The following CMSS1 variants were observed in gnomAD, a reference collection of about 807,000 sequenced individuals.
The protein encoded by CMSS1 is cms1 ribosomal small subunit homolog.
CMSS1 carries 33 observed loss-of-function variants against 43.5 expected under a neutral mutation model. That is an observed-to-expected ratio of 0.76 (90% CI 0.57 to 1.01). The LOEUF (loss-of-function observed/expected upper bound fraction) is 1.01. Among genes scored for constraint, CMSS1 ranks in the 50% least tolerant of loss-of-function variants. CMSS1 has a pLI of 0.00. For synonymous variants in CMSS1, 115 were observed against 117.2 expected (o/e 0.98, Z 0.12); for missense variants, 313 against 326.4 (o/e 0.96, Z 0.32).
chr3:99,974,194 G>A (rs963578544), intron 1 of CMSS1, among the ~76,000 whole-genome samples: 1 of 152,182 alleles, frequency 6.6e-6, no homozygotes, highest in Admixed American at 6.5e-5. Context: ...AACATGGAGA[G>A]GACAATTTAT....
intron 1 of CMSS1, among the ~76,000 whole-genome samples, chr3:99,999,809 C>T (rs1474238426): frequency 2.0e-5 from 3 of 152,194 alleles, no homozygotes; most frequent in African/African-American, 7.2e-5. Flanking sequence ...CCAAACAGTG[C>T]ATCCAGTTAA....
chr3:100,127,954 A>T (rs139946020), intron 1 of CMSS1, among the ~76,000 whole-genome samples: 27 of 152,322 alleles, frequency 1.8e-4, no homozygotes, highest in African/African-American at 6.0e-4. Flanking sequence ...CAGACACCCC[A>T]GCATGACAGG....
At chr3:100,125,741 A>G (rs1405083031) in intron 1 of CMSS1, among the ~76,000 whole-genome samples, 1 of 152,200 alleles carries the variant, frequency 6.6e-6, no homozygotes, top group African/African-American at 2.4e-5. Context: ...CCTGACTTGG[A>G]CATATTTTCT....
intron 1 of CMSS1, among the ~76,000 whole-genome samples, chr3:100,071,051 A>G (rs1033816791): frequency 3.3e-5 from 5 of 150,770 alleles, no homozygotes; most frequent in Non-Finnish European, 7.4e-5. Context: ...TTTTTTTAAA[A>G]GAAAGGGGTT....
intron 1 of CMSS1, among the ~76,000 whole-genome samples, chr3:100,063,451 A>T (rs2065608737): frequency 6.6e-6 from 1 of 152,078 alleles, no homozygotes; most frequent in African/African-American, 2.4e-5. Flanking sequence ...TTTTACTGTA[A>T]CTCAGAATGA....
intron 1 of CMSS1, among the ~76,000 whole-genome samples, chr3:99,935,844 T>A (rs1335401322): frequency 2.6e-5 from 4 of 152,216 alleles, no homozygotes; most frequent in Non-Finnish European, 4.4e-5. Context: ...TCATGGTGTA[T>A]CTTGGTAAGG....
intron 1 of CMSS1, among the ~76,000 whole-genome samples, chr3:100,090,528 C>G (rs9824430): frequency 0.85 from 129,818 of 152,120 alleles, 55,541 homozygotes; most frequent in African/African-American, 0.91. Flanking sequence ...CTTGCCCAGG[C>G]CCTCCCAGTG....
At position 99,848,881 on chromosome 3, in the gene CMSS1, C is replaced by T. The variant is rs372565324; in HGVS notation, c.64+30838C>T. On this transcript the variant is annotated intron_variant, in intron 1 of 9. Coordinates refer to ENST00000421999, the MANE Select transcript of CMSS1 (RefSeq NM_032359.4). ...GCCACAGTTCGGTATCACTGCAGTA[C>T]TCGTGTAAGAGTGAGGACTCTCTGT... 3.2e-5 allele frequency: 52 copies of T among 1,613,930 alleles called. 1 individual carries two copies. The highest frequency in any genetic ancestry group is 1.3e-4 in the Admixed American group (8 of 59,990).
chr3:100,124,697 G>A (rs1051173605), intron 1 of CMSS1, among the ~76,000 whole-genome samples: 7 of 152,134 alleles, frequency 4.6e-5, no homozygotes. Context: ...AATGGCAAAA[G>A]GCCACCTGGG....
At chr3:99,830,462 C>G (rs1414253601) in intron 1 of CMSS1, 1 of 456,378 alleles carries the variant, frequency 2.2e-6, no homozygotes, top group Admixed American at 2.3e-5. Context: ...TGACAGTTCT[C>G]ACGATGTGTA....
chr3:100,048,798 C>T (rs62285461), intron 1 of CMSS1, among the ~76,000 whole-genome samples: 28,157 of 151,982 alleles, frequency 0.19, 2,951 homozygotes, highest in South Asian at 0.25. Context: ...TCTCCTAGGA[C>T]ATTTTCTTTC....
chr3:100,142,180 T>C (rs1266095498), intron 1 of CMSS1, among the ~76,000 whole-genome samples: 1 of 152,238 alleles, frequency 6.6e-6, no homozygotes, highest in African/African-American at 2.4e-5. Flanking sequence ...CAAGGTATTT[T>C]AAATCTTTCT....
chr3:99,849,806 T>G (rs1943570078), intron 1 of CMSS1: 1 of 1,612,940 alleles, frequency 6.2e-7, no homozygotes, highest in East Asian at 2.2e-5. Flanking sequence ...TCCTTAATCT[T>G]ATTGTTTTCT....
intron 1 of CMSS1, among the ~76,000 whole-genome samples, chr3:100,010,778 ATTT>A (rs11371196): frequency 1.1e-5 from 1 of 93,678 alleles, no homozygotes; most frequent in African/African-American, 4.4e-5. Context: ...CCACGCCCGG[ATTT>A]TTTTTTTTTT....
chr3:100,099,840 A>G (rs2107454625), intron 1 of CMSS1, among the ~76,000 whole-genome samples: 1 of 152,318 alleles, frequency 6.6e-6, no homozygotes, highest in Non-Finnish European at 1.5e-5. Flanking sequence ...TATCATAAGT[A>G]TGCAGCGGTA....
chr3:99,983,214 A>G (rs1360794039), intron 1 of CMSS1, among the ~76,000 whole-genome samples: 1 of 151,304 alleles, frequency 6.6e-6, no homozygotes, highest in African/African-American at 2.4e-5. Flanking sequence ...AGTAGCCAAG[A>G]AATCTCTCTA....
At chr3:100,095,102 A>G (rs2107444080) in intron 1 of CMSS1, among the ~76,000 whole-genome samples, 1 of 152,256 alleles carries the variant, frequency 6.6e-6, no homozygotes, top group Middle Eastern at 3.4e-3. Flanking sequence ...CTATGTGACT[A>G]TCCCTTTACC....
intron 4 of CMSS1, 45 bp from the exon 5 acceptor site, chr3:100,166,290 T>C: frequency 8.0e-7 from 1 of 1,242,594 alleles, no homozygotes; most frequent in Non-Finnish European, 1.2e-6. Flanking sequence ...TGATTGTGTG[T>C]GTGTTTACAA....
intron 1 of CMSS1, among the ~76,000 whole-genome samples, chr3:99,867,767 CAT>C (rs1944592850): frequency 6.6e-6 from 1 of 152,086 alleles, no homozygotes; most frequent in African/African-American, 2.4e-5. Context: ...TACAAATTCA[CAT>C]GTCAAGAGAT....
Sources: gnomAD v4.1 joint callset for allele counts (sites outside exome capture counted in the v4.1 genomes callset) on GRCh38, gnomAD v4.1.1 for gene constraint, MANE v1.5 for transcripts, NCBI Gene and HGNC (gene_info 2026-07-23, HGNC 2026-07-21) for gene names.